MBOAT2: variants seen among roughly 807,000 people sequenced by gnomAD.
The protein encoded by MBOAT2 is membrane bound glycerophospholipid O-acyltransferase 2, also known as membrane-bound glycerophospholipid O-acyltransferase 2.
MBOAT2 carries 28 observed loss-of-function variants against 63.4 expected under a neutral mutation model. The ratio of observed to expected loss-of-function variants is 0.44; its 90% confidence interval spans 0.33 to 0.61. The LOEUF (loss-of-function observed/expected upper bound fraction) is 0.61. MBOAT2 is among the 20% of genes least tolerant of loss of function. MBOAT2 has a pLI of 0.03. For missense variants in MBOAT2, 470 were observed against 605.8 expected, an observed-to-expected ratio of 0.78 and a Z score of 2.35; for synonymous variants, 211 against 215.6, an observed-to-expected ratio of 0.98 and a Z score of 0.19.
chr2:8,962,351 G>C (rs1272591812), intron 1 of MBOAT2, among the ~76,000 whole-genome samples: 1 of 152,130 alleles, frequency 6.6e-6, no homozygotes, highest in Non-Finnish European at 1.5e-5. Flanking sequence ...CAACTGTGAT[G>C]GTCTTTAGTA....
intron 6 of MBOAT2, among the ~76,000 whole-genome samples, chr2:8,881,403 G>C (rs1030346447): frequency 4.6e-5 from 7 of 152,152 alleles, no homozygotes; most frequent in Non-Finnish European, 1.0e-4. Context: ...AGGAAATGCA[G>C]TACTACTGGC....
rs1356608890 is a variant in MBOAT2, at chr2:8,854,239, G to C, written c.*4440C>G. The stretch of plus-strand genomic sequence containing the variant: ...TTCTCTCCTTAAATGCAAATCTTTT[G>C]CTTCAGCATTGGGAGCACGCGTTCA... On this transcript the variant is annotated 3_prime_UTR_variant, in exon 13 of 13. Transcript: ENST00000305997. The C allele has an allele frequency of 1.3e-5, 2 of 152,114 alleles. No homozygotes were observed. Among genetic ancestry groups the C allele is most frequent in the East Asian group, 3.8e-4 (2 of 5,196 alleles). 9.4% of individuals were successfully genotyped at this position (152,114 alleles called of 1,614,324 possible).
At chr2:8,949,503 G>A (rs1668661199) in intron 2 of MBOAT2, among the ~76,000 whole-genome samples, 1 of 150,958 alleles carries the variant, frequency 6.6e-6, no homozygotes, top group Non-Finnish European at 1.5e-5. Context: ...AATCCATCTT[G>A]AGTTAATTTT....
At chr2:8,917,027 A>G (rs1052822017) in intron 3 of MBOAT2, among the ~76,000 whole-genome samples, 32 of 152,346 alleles carry the variant, frequency 2.1e-4, no homozygotes, top group African/African-American at 7.2e-4. Context: ...TGCAATTCAA[A>G]AGGAAAAAGT....
chr2:8,963,147 A>G (rs1477295446), intron 1 of MBOAT2, among the ~76,000 whole-genome samples: 1 of 151,440 alleles, frequency 6.6e-6, no homozygotes, highest in Non-Finnish European at 1.5e-5. Flanking sequence ...GTGAGGTGGA[A>G]GGATTGCTTG....
At chr2:8,890,804 A>C (rs1265281158) in intron 4 of MBOAT2, among the ~76,000 whole-genome samples, 3 of 152,218 alleles carry the variant, frequency 2.0e-5, no homozygotes, top group African/African-American at 7.2e-5. Flanking sequence ...TACAGGTGTG[A>C]GCCACCGTGC....
At chr2:8,873,912 G>A (rs1662524158) in intron 7 of MBOAT2, among the ~76,000 whole-genome samples, 1 of 152,180 alleles carries the variant, frequency 6.6e-6, no homozygotes, top group Admixed American at 6.5e-5. Context: ...CCAACTCATG[G>A]TATTTTGTAT....
intron 1 of MBOAT2, among the ~76,000 whole-genome samples, chr2:8,994,417 G>C (rs1169807471): frequency 6.6e-6 from 1 of 152,196 alleles, no homozygotes; most frequent in East Asian, 1.9e-4. Context: ...GAGGGGCGAG[G>C]ACCCCGCATG....
chr2:8,910,632 A>AT (rs1275113096), intron 3 of MBOAT2, among the ~76,000 whole-genome samples: 1 of 152,144 alleles, frequency 6.6e-6, no homozygotes. Flanking sequence ...TCTCTGATAG[A>AT]TAAAAAAAAG....
intron 1 of MBOAT2, among the ~76,000 whole-genome samples, chr2:8,995,082 A>G (rs1264338449): frequency 2.0e-5 from 3 of 152,210 alleles, no homozygotes; most frequent in Non-Finnish European, 4.4e-5. Flanking sequence ...CTGAGGGTCC[A>G]AGCCTACCCC....
chr2:8,964,542 C>G (rs1669853618), intron 1 of MBOAT2, among the ~76,000 whole-genome samples: 1 of 150,010 alleles, frequency 6.7e-6, no homozygotes, highest in African/African-American at 2.5e-5. Context: ...ATTTTTTTCA[C>G]TTAATATTAC....
At chr2:8,947,237 T>C (rs994848989) in intron 2 of MBOAT2, among the ~76,000 whole-genome samples, 7 of 152,098 alleles carry the variant, frequency 4.6e-5, no homozygotes, top group African/African-American at 1.4e-4. Flanking sequence ...TCAATTCTAG[T>C]AGGGTGGAGA....
At chr2:8,894,124 C>T (rs188074564) in intron 4 of MBOAT2, among the ~76,000 whole-genome samples, 66 of 152,230 alleles carry the variant, frequency 4.3e-4, no homozygotes, top group Non-Finnish European at 5.1e-4. Flanking sequence ...CGACAGAACC[C>T]GATACGTGAT....
chr2:8,974,252 T>C (rs1446858000), intron 1 of MBOAT2: 4 of 410,210 alleles, frequency 9.8e-6, no homozygotes, highest in African/African-American at 8.2e-5. Flanking sequence ...CAACAACTAA[T>C]TCTGGGAATG....
At chr2:8,883,029 T>C (rs968565815) in intron 5 of MBOAT2, among the ~76,000 whole-genome samples, 10 of 152,110 alleles carry the variant, frequency 6.6e-5, no homozygotes, top group African/African-American at 2.4e-4. Flanking sequence ...TCTTCATCCA[T>C]CTATTTACGT....
At chr2:8,876,086 C>T (rs1435371760) in intron 7 of MBOAT2, among the ~76,000 whole-genome samples, 1 of 152,168 alleles carries the variant, frequency 6.6e-6, no homozygotes, top group Non-Finnish European at 1.5e-5. Context: ...CCTGATTGGC[C>T]TATTCTTTTT....
In MBOAT2 at chr2:8,882,555, C is replaced by G; in HGVS notation, c.462G>C (p.Arg154=). Residue 154 remains arginine, a synonymous_variant, in exon 6 of 13, where the codon CGG becomes CGC. Coordinates refer to ENST00000305997, the MANE Select transcript of MBOAT2 (RefSeq NM_138799.4). ...LACEIHDGMF[R]KDEELTSSQR... is the part of the protein sequence containing the mutation. Reference sequence around the variant, plus strand: ...GTGAGGAAGTCAGTTCTTCATCCTTCCGAAACATCCCTGAGAAACAAAAAT... The same window carrying G: ...GTGAGGAAGTCAGTTCTTCATCCTTGCGAAACATCCCTGAGAAACAAAAAT... The G allele has an allele frequency of 6.2e-7, 1 of 1,614,220 alleles. No homozygotes were observed. The highest frequency in any genetic ancestry group is 8.5e-7 in the Non-Finnish European group (1 of 1,180,026).
At chr2:8,865,718 C>A (rs1202225028) in intron 9 of MBOAT2, among the ~76,000 whole-genome samples, 1 of 152,216 alleles carries the variant, frequency 6.6e-6, no homozygotes, top group Non-Finnish European at 1.5e-5. Context: ...TATGCCAATC[C>A]CTCTCCTGAA....
Position 8,970,910 on chromosome 2 carries a change from C to G in MBOAT2, c.76-12268G>C, listed in dbSNP as rs112756081. On this transcript the variant is annotated intron_variant, in intron 1 of 12. Transcript: ENST00000305997. Reference sequence around the variant, plus strand: ...TTACCAACCAAAAAAAGTCCAGACACATTCACAGCCAATTTCTACCGGAGG... The same window carrying G: ...TTACCAACCAAAAAAAGTCCAGACAGATTCACAGCCAATTTCTACCGGAGG... Among the ~76,000 whole-genome samples the G allele has an allele frequency of 7.4e-3, 1,114 of 150,840 alleles. 13 individuals carry two copies. The highest frequency in any genetic ancestry group is 0.02 in the South Asian group (98 of 4,800).
Sources: gnomAD v4.1 joint callset for allele counts (sites outside exome capture counted in the v4.1 genomes callset) on GRCh38, gnomAD v4.1.1 for gene constraint, MANE v1.5 for transcripts, NCBI Gene and HGNC (gene_info 2026-07-23, HGNC 2026-07-21) for gene names.